Variants in ASTN2 observed in about 807,000 individuals in gnomAD.
ASTN2 encodes astrotactin 2.
In ASTN2, 54 loss-of-function variants were observed where a neutral mutation model predicts 139.8. The ratio of observed to expected loss-of-function variants is 0.39; its 90% confidence interval spans 0.31 to 0.48. The LOEUF (loss-of-function observed/expected upper bound fraction) is 0.48. Among genes scored for constraint, ASTN2 ranks in the 20% least tolerant of loss-of-function variants. ASTN2 has a pLI of 0.95. For missense variants in ASTN2, 1,565 were observed against 1,725.1 expected (o/e 0.91, Z 1.64); for synonymous variants, 756 against 719.5 (o/e 1.05, Z -0.81).
intron 19 of ASTN2, among the ~76,000 whole-genome samples, chr9:116,521,263 G>C (rs995839666): frequency 2.0e-5 from 3 of 152,088 alleles, no homozygotes; most frequent in Non-Finnish European, 4.4e-5. Context: ...TAAGGCCATG[G>C]TCATCAAAAC....
At chr9:116,897,097 G>T (rs1431142988) in intron 10 of ASTN2, among the ~76,000 whole-genome samples, 1 of 152,194 alleles carries the variant, frequency 6.6e-6, no homozygotes, top group Non-Finnish European at 1.5e-5. Context: ...TTGTGCCTAA[G>T]GCCATCATCA....
At chr9:116,941,798 A>T (rs879621549) in intron 10 of ASTN2, among the ~76,000 whole-genome samples, 1 of 152,070 alleles carries the variant, frequency 6.6e-6, no homozygotes, top group African/African-American at 2.4e-5. Context: ...TTTTTTCATT[A>T]CAACAGCCTT....
chr9:117,288,778 T>C (rs1043003768), intron 2 of ASTN2, among the ~76,000 whole-genome samples: 2 of 152,216 alleles, frequency 1.3e-5, no homozygotes, highest in Admixed American at 6.5e-5. Flanking sequence ...CCCTGCTGAC[T>C]GACTGAGGGA....
chr9:116,884,475 C>G (rs373173213), intron 10 of ASTN2, among the ~76,000 whole-genome samples: 1 of 152,126 alleles, frequency 6.6e-6, no homozygotes, highest in Non-Finnish European at 1.5e-5. Context: ...TTCCCTTTGT[C>G]TTCACATGGT....
chr9:117,088,102 A>G (rs1828614319), intron 5 of ASTN2, among the ~76,000 whole-genome samples: 1 of 152,172 alleles, frequency 6.6e-6, no homozygotes, highest in South Asian at 2.1e-4. Context: ...TGGAAGACTG[A>G]ATGGATTACC....
chr9:116,791,470 T>G (rs935394948), intron 13 of ASTN2, among the ~76,000 whole-genome samples: 1 of 152,202 alleles, frequency 6.6e-6, no homozygotes, highest in Non-Finnish European at 1.5e-5. Context: ...ACCTTAGAAG[T>G]GTTTATTTAT....
At position 116,698,454 on chromosome 9, in the gene ASTN2, C is replaced by T. The variant is rs769410403; in HGVS notation, c.2806+27317G>A. The T allele has an allele frequency of 6.2e-6, 10 of 1,613,980 alleles. 1 individual carries two copies. The highest frequency in any genetic ancestry group is 3.3e-5 in the South Asian group (3 of 91,068). On this transcript the variant is annotated intron_variant, in intron 16 of 22. Transcript: ENST00000313400. The surrounding 1 kb of genome is among the most constrained non-coding windows in gnomAD (Gnocchi z 4.4). ...CATTGCAGAGGTGCAGGCTGTGTCTCGCTGTGACTACTTCCTGGCCAAGAT... is the reference window on the plus strand; with the variant it reads ...CATTGCAGAGGTGCAGGCTGTGTCTTGCTGTGACTACTTCCTGGCCAAGAT...
intron 1 of ASTN2, among the ~76,000 whole-genome samples, chr9:117,366,729 C>A (rs1347310425): frequency 1.3e-5 from 2 of 152,120 alleles, no homozygotes; most frequent in East Asian, 3.9e-4. Flanking sequence ...GCAACTGTAG[C>A]TCTCTGGAAA....
intron 19 of ASTN2, among the ~76,000 whole-genome samples, chr9:116,524,859 A>G (rs1057479923): frequency 1.3e-5 from 2 of 152,128 alleles, no homozygotes; most frequent in Non-Finnish European, 2.9e-5. Flanking sequence ...TCTGATCCAA[A>G]AAAGCTTCAA....
intron 3 of ASTN2, among the ~76,000 whole-genome samples, chr9:117,208,782 A>T (rs1421347938): frequency 6.6e-6 from 1 of 152,208 alleles, no homozygotes; most frequent in Non-Finnish European, 1.5e-5. Context: ...TCATTAAAGT[A>T]ACAGTGGATT....
At chr9:116,682,528 A>G (rs7389345) in intron 16 of ASTN2, among the ~76,000 whole-genome samples, 21,419 of 152,232 alleles carry the variant, frequency 0.14, 1,596 homozygotes, top group Middle Eastern at 0.2. Context: ...ATTACTGGGT[A>G]TATACCCAAA....
intron 19 of ASTN2, among the ~76,000 whole-genome samples, chr9:116,524,098 C>G (rs1850991149): frequency 6.6e-6 from 1 of 152,088 alleles, no homozygotes; most frequent in Non-Finnish European, 1.5e-5. Flanking sequence ...TGTTACCTCT[C>G]ATTTCATTGA....
chr9:117,334,101 T>C (rs1379431896), intron 1 of ASTN2, among the ~76,000 whole-genome samples: 1 of 152,186 alleles, frequency 6.6e-6, no homozygotes, highest in Non-Finnish European at 1.5e-5. Flanking sequence ...TTGGTTATTA[T>C]AGTAGGAAGG....
chr9:117,138,313 C>A (rs531553843), intron 4 of ASTN2, among the ~76,000 whole-genome samples: 5 of 151,796 alleles, frequency 3.3e-5, no homozygotes, highest in Admixed American at 3.3e-4. Context: ...ATTTGAAAGG[C>A]GAGAAGGGGC....
Position 116,425,276 on chromosome 9 carries a change from G to A in ASTN2, c.*575C>T, listed in dbSNP as rs1045753151. ...GCATGGACAGGCCTGCAGGGACTCTGGGCAGACCCACAGGTAGCAGGAAGA... is the reference window on the plus strand; with the variant it reads ...GCATGGACAGGCCTGCAGGGACTCTAGGCAGACCCACAGGTAGCAGGAAGA... On this transcript the variant is annotated 3_prime_UTR_variant, in exon 23 of 23. Coordinates refer to ENST00000313400, the MANE Select transcript of ASTN2 (RefSeq NM_001365068.1). 1 of 442,114 alleles carries A rather than the reference G, an allele frequency of 2.3e-6. No individual in the cohort carries two copies. Among genetic ancestry groups the A allele is most frequent in the African/African-American group, 2.0e-5 (1 of 48,876 alleles). The allele number at this position is 442,114 out of a possible 1,614,324, so 27.4% of individuals were successfully genotyped here.
chr9:116,938,772 G>A (rs143858410), intron 10 of ASTN2, among the ~76,000 whole-genome samples: 1,958 of 152,090 alleles, frequency 0.013, 18 homozygotes, highest in Non-Finnish European at 0.017. Context: ...TAAGTACACA[G>A]GGGCATAATT....
At chr9:116,770,342 C>T (rs919911000) in intron 13 of ASTN2, among the ~76,000 whole-genome samples, 1 of 152,140 alleles carries the variant, frequency 6.6e-6, no homozygotes, top group Non-Finnish European at 1.5e-5. Flanking sequence ...CAGTCCTTTC[C>T]TCACCTACAT....
intron 13 of ASTN2, among the ~76,000 whole-genome samples, chr9:116,772,635 T>C (rs953718887): frequency 6.6e-6 from 1 of 152,194 alleles, no homozygotes; most frequent in Non-Finnish European, 1.5e-5. Flanking sequence ...GAACTATTCC[T>C]TAAAAGACTC....
intron 13 of ASTN2, among the ~76,000 whole-genome samples, chr9:116,743,028 A>G (rs937631561): frequency 1.3e-5 from 2 of 152,138 alleles, no homozygotes; most frequent in Non-Finnish European, 2.9e-5. Flanking sequence ...AAAAAATCAC[A>G]TAGCAAATAC....
Sources: gnomAD v4.1 joint callset for allele counts (sites outside exome capture counted in the v4.1 genomes callset) on GRCh38, gnomAD v4.1.1 for gene constraint, Gnocchi (gnomAD v3.1) non-coding constraint, MANE v1.5 for transcripts, NCBI Gene and HGNC (gene_info 2026-07-23, HGNC 2026-07-21) for gene names.